Variants in CATSPERB observed in about 807,000 individuals in gnomAD.
The protein encoded by CATSPERB is cation channel sperm-associated auxiliary subunit beta.
A neutral mutation model predicts 128.3 loss-of-function variants in CATSPERB; 93 were observed. The observed-to-expected ratio is 0.72, with a 90% CI of 0.61 to 0.86. The LOEUF is 0.86. Ranked by LOEUF, CATSPERB falls within the 40% of genes least tolerant of loss-of-function variation. CATSPERB has a pLI of 0.00. For missense variants in CATSPERB, 1,153 were observed against 1,329.5 expected (o/e 0.87, Z 2.06); for synonymous variants, 381 against 448.8 (o/e 0.85, Z 1.91).
chr14:91,654,994 TAATA>T (rs1894763796), intron 15 of CATSPERB, among the ~76,000 whole-genome samples: 1 of 152,022 alleles, frequency 6.6e-6, no homozygotes, highest in South Asian at 2.1e-4. Context: ...TAATACCTGG[TAATA>T]CAGTCTCTTC....
chr14:91,719,930 C>G (rs1031633592), intron 4 of CATSPERB, among the ~76,000 whole-genome samples: 4 of 151,958 alleles, frequency 2.6e-5, no homozygotes, highest in African/African-American at 9.7e-5. Context: ...AATTCTTGGG[C>G]AATAAAGGTG....
At chr14:91,708,668 A>G (rs562811090) in intron 5 of CATSPERB, among the ~76,000 whole-genome samples, 3 of 152,220 alleles carry the variant, frequency 2.0e-5, no homozygotes, top group Non-Finnish European at 4.4e-5. Context: ...AATATGAATG[A>G]AGACAGAAAA....
intron 3 of CATSPERB, 75 bp from the exon 4 acceptor site, chr14:91,723,264 T>G (rs1896064837): frequency 1.8e-6 from 2 of 1,134,580 alleles, no homozygotes; most frequent in East Asian, 5.6e-5. Flanking sequence ...AATCTAAAAG[T>G]GATTAGTAAT....
At chr14:91,703,040 A>T (rs1181823456) in intron 7 of CATSPERB, among the ~76,000 whole-genome samples, 1 of 152,030 alleles carries the variant, frequency 6.6e-6, no homozygotes, top group African/African-American at 2.4e-5. Context: ...GCCTTCTAGC[A>T]TACCCATATT....
In CATSPERB at chr14:91,587,975, T is replaced by C. The variant is rs372921289; in HGVS notation, c.3057+3A>G. Reference sequence around the variant, plus strand: ...ACAGTAAAAACAACAATGCCATCATTACCTTTATGCTTAAGTTGAGACCTG... The same window carrying C: ...ACAGTAAAAACAACAATGCCATCATCACCTTTATGCTTAAGTTGAGACCTG... On this transcript the variant is annotated splice_donor_region_variant and intron_variant, in intron 25 of 26. Coordinates refer to ENST00000256343, the MANE Select transcript of CATSPERB (RefSeq NM_024764.4). The C allele has an allele frequency of 2.7e-4, 424 of 1,577,298 alleles. 1 individual carries two copies. Among genetic ancestry groups the C allele is most frequent in the Non-Finnish European group, 2.3e-4 (267 of 1,148,252 alleles).
chr14:91,631,467 C>T (rs1179579473), intron 17 of CATSPERB, among the ~76,000 whole-genome samples: 2 of 152,140 alleles, frequency 1.3e-5, no homozygotes, highest in African/African-American at 4.8e-5. Flanking sequence ...AGTTCAAGAC[C>T]AGCCTGGTCA....
At chr14:91,613,719 C>CTGATAA (rs1172790474) in intron 20 of CATSPERB, among the ~76,000 whole-genome samples, 12 of 152,200 alleles carry the variant, frequency 7.9e-5, no homozygotes, top group African/African-American at 2.7e-4. Context: ...CTTATTAGGC[C>CTGATAA]CTAGTTGGAG....
chr14:91,667,623 G>C (rs1350504835), intron 14 of CATSPERB, among the ~76,000 whole-genome samples: 5 of 152,152 alleles, frequency 3.3e-5, no homozygotes. Flanking sequence ...ATCCTAAATA[G>C]ACTCTTTGGC....
intron 22 of CATSPERB, among the ~76,000 whole-genome samples, chr14:91,605,669 C>T (rs755632091): frequency 2.0e-5 from 3 of 152,170 alleles, no homozygotes; most frequent in Non-Finnish European, 4.4e-5. Context: ...CTTTCCCCAT[C>T]GCCACTCTTT....
chr14:91,716,746 C>CACAG, intron 5 of CATSPERB, among the ~76,000 whole-genome samples: 1 of 151,358 alleles, frequency 6.6e-6, no homozygotes, highest in South Asian at 2.1e-4. Context: ...CACACACACA[C>CACAG]ACAGACACAC....
intron 22 of CATSPERB, among the ~76,000 whole-genome samples, chr14:91,606,424 G>A (rs148457161): frequency 0.035 from 5,375 of 152,028 alleles, 253 homozygotes; most frequent in African/African-American, 0.11. Context: ...TTGGCTGTGC[G>A]TGGTGGTGCA....
intron 6 of CATSPERB, among the ~76,000 whole-genome samples, chr14:91,707,626 T>G (rs1895756590): frequency 8.3e-6 from 1 of 120,580 alleles, no homozygotes; most frequent in African/African-American, 3.1e-5. Flanking sequence ...TGAGACACAG[T>G]CTCACTCTGT....
chr14:91,644,413 C>A (rs988480476), intron 15 of CATSPERB, among the ~76,000 whole-genome samples: 2 of 149,654 alleles, frequency 1.3e-5, no homozygotes, highest in Non-Finnish European at 3.0e-5. Flanking sequence ...CTGGTGATGA[C>A]AAAATCTCTC....
intron 14 of CATSPERB, among the ~76,000 whole-genome samples, chr14:91,664,931 C>T (rs1894953864): frequency 6.6e-6 from 1 of 152,098 alleles, no homozygotes; most frequent in African/African-American, 2.4e-5. Flanking sequence ...ACTCTGTCAC[C>T]CAGGTTGGAG....
chr14:91,698,546 T>C, intron 7 of CATSPERB, among the ~76,000 whole-genome samples: 1 of 152,196 alleles, frequency 6.6e-6, no homozygotes, highest in Non-Finnish European at 1.5e-5. Flanking sequence ...AGATGTCTCC[T>C]ATTATTTTGA....
At chr14:91,620,522 T>A (rs1324203878) in intron 19 of CATSPERB, among the ~76,000 whole-genome samples, 1 of 152,182 alleles carries the variant, frequency 6.6e-6, no homozygotes, top group African/African-American at 2.4e-5. Flanking sequence ...CCTCTCTTCC[T>A]ATCTCAGTTA....
At chr14:91,634,115 C>T (rs909754690) in intron 17 of CATSPERB, among the ~76,000 whole-genome samples, 3 of 151,894 alleles carry the variant, frequency 2.0e-5, no homozygotes, top group Admixed American at 6.6e-5. Flanking sequence ...GAAGTCTTAC[C>T]AATAACATAA....
intron 1 of CATSPERB, among the ~76,000 whole-genome samples, chr14:91,729,748 G>A (rs1342669375): frequency 6.6e-6 from 1 of 152,194 alleles, no homozygotes; most frequent in African/African-American, 2.4e-5. Flanking sequence ...CTTTAGAGAG[G>A]TGAGATCAGT....
chr14:91,614,707 G>A (rs1002908629), intron 20 of CATSPERB, among the ~76,000 whole-genome samples: 1 of 152,090 alleles, frequency 6.6e-6, no homozygotes, highest in Non-Finnish European at 1.5e-5. Context: ...GAGGTGGGAG[G>A]ACTGCTTGAG....
Sources: allele counts gnomAD v4.1 joint callset (sites outside exome capture counted in the v4.1 genomes callset), GRCh38; gene constraint gnomAD v4.1.1; transcripts MANE v1.5; gene names NCBI Gene and HGNC (gene_info 2026-07-23, HGNC 2026-07-21).